RBPJ: variants seen among roughly 807,000 people sequenced by gnomAD.
The protein encoded by RBPJ is recombining binding protein suppressor of hairless.
RBPJ carries 9 observed loss-of-function variants against 67.8 expected under a neutral mutation model. The observed-to-expected ratio is 0.13, with a 90% CI of 0.08 to 0.23. The LOEUF is 0.23. RBPJ is among the 10% of genes least tolerant of loss of function. The pLI, the probability that RBPJ is intolerant of heterozygous loss-of-function variation, is 1.00. For missense variants in RBPJ, 305 were observed against 595.6 expected (o/e 0.51, Z 5.08); for synonymous variants, 198 against 203.3 (o/e 0.97, Z 0.22).
At chr4:26,182,109 G>C (rs1375715989) in intron 1 of RBPJ, among the ~76,000 whole-genome samples, 1 of 152,194 alleles carries the variant, frequency 6.6e-6, no homozygotes, top group Non-Finnish European at 1.5e-5. Context: ...TTGGGAGGCC[G>C]AGGCAGCCGG....
chr4:26,185,484 G>A (rs148481026), intron 1 of RBPJ, among the ~76,000 whole-genome samples: 5 of 152,280 alleles, frequency 3.3e-5, no homozygotes, highest in East Asian at 3.9e-4. Flanking sequence ...CTGGAATTAC[G>A]AGGTTGTATG....
chr4:26,159,905 TTCTCTC>T (rs35911476), upstream of RBPJ, among the ~76,000 whole-genome samples: 1 of 147,118 alleles, frequency 6.8e-6, no homozygotes, highest in Non-Finnish European at 1.5e-5. Flanking sequence ...GCAAGAAGCT[TTCTCTC>T]TCTCTCTCTC....
the RBPJ span, among the ~76,000 whole-genome samples, chr4:26,127,610 G>A: frequency 1.3e-5 from 2 of 152,186 alleles, no homozygotes; most frequent in African/African-American, 2.4e-5. Flanking sequence ...CATAAAGTGG[G>A]TGGAGTAAAT....
At chr4:26,224,092 T>G (rs534097134) in intron 1 of RBPJ, among the ~76,000 whole-genome samples, 72 of 152,322 alleles carry the variant, frequency 4.7e-4, no homozygotes, top group African/African-American at 1.6e-3. Context: ...TTATTAGTAT[T>G]GATATTGGTT....
rs569510028 is a variant in RBPJ at position 26,184,114 on chromosome 4, C to T, written c.-167+20500C>T. On this transcript the variant is annotated intron_variant, in intron 1 of 4. Coordinates refer to the RBPJ transcript ENST00000512351. ...GGAGAATCGCTTGAACCTGGGAGGCCGAGGTTCCAGTGAGCTGAGATGGCA... is the reference window on the plus strand; with the variant it reads ...GGAGAATCGCTTGAACCTGGGAGGCTGAGGTTCCAGTGAGCTGAGATGGCA... Among the ~76,000 whole-genome samples the T allele has an allele frequency of 1.6e-3, 237 of 145,538 alleles. 1 individual carries two copies. Among genetic ancestry groups the T allele is most frequent in the African/African-American group, 6.0e-3 (232 of 38,830 alleles).
In RBPJ at chr4:26,411,352, C is replaced by T. The variant is rs367857948; in HGVS notation, c.156-4123C>T. ...ACCCCACTCCCTTTAGTTTCTTTTG[C>T]GTGTATTCTTGCCTTTTTTTTTTGT... On this transcript the variant is annotated intron_variant, in intron 3 of 10. Coordinates refer to ENST00000355476, the MANE Select transcript of RBPJ (RefSeq NM_015874.6). 1.2e-4 allele frequency among the ~76,000 whole-genome samples: 18 copies of T among 150,650 alleles called. No homozygotes were observed. The East Asian group carries it at 2.5e-3, about 21-fold the overall frequency.
intron 1 of RBPJ, among the ~76,000 whole-genome samples, chr4:26,363,745 G>A (rs2109510496): frequency 6.6e-6 from 1 of 152,268 alleles, no homozygotes; most frequent in South Asian, 2.1e-4. Context: ...GGCCAAAGAT[G>A]AGTAATTTAA....
chr4:26,243,951 C>T (rs191428609), intron 1 of RBPJ, among the ~76,000 whole-genome samples: 216 of 151,492 alleles, frequency 1.4e-3, no homozygotes, highest in Non-Finnish European at 2.2e-3. Context: ...AAACATTAGC[C>T]GGGTGTGATC....
chr4:26,242,210 G>A (rs183334766), intron 1 of RBPJ, among the ~76,000 whole-genome samples: 154 of 152,238 alleles, frequency 1.0e-3, no homozygotes, highest in African/African-American at 3.5e-3. Flanking sequence ...CACTATGGGA[G>A]CCCGAGGCGG....
chr4:26,421,393 C>T (rs1038318304), intron 5 of RBPJ, among the ~76,000 whole-genome samples: 1 of 151,954 alleles, frequency 6.6e-6, no homozygotes, highest in Non-Finnish European at 1.5e-5. Context: ...ACCTCCACCT[C>T]CCGGGTTCAA....
chr4:26,431,199 A>AC lies in RBPJ; in HGVS notation c.*192_*193insC. On this transcript the variant is annotated 3_prime_UTR_variant, in exon 11 of 11. Coordinates refer to ENST00000355476, the MANE Select transcript of RBPJ (RefSeq NM_015874.6). Reference sequence around the variant, plus strand: ...GAAGCCACAGTAAAAAAAAAAAAAAAAAAAAAAAAAAAGAAAAAAAAATCA... The same window carrying AC: ...GAAGCCACAGTAAAAAAAAAAAAAAACAAAAAAAAAAAAGAAAAAAAAATCA... 2.5e-6 allele frequency: 1 copy of AC among 395,712 alleles called. No homozygotes were observed. Among genetic ancestry groups the AC allele is most frequent in the Non-Finnish European group, 4.4e-6 (1 of 225,464 alleles). 24.5% of individuals were successfully genotyped at this position (395,712 alleles called of 1,614,324 possible).
At chr4:26,192,921 C>T (rs1717621375) in intron 1 of RBPJ, among the ~76,000 whole-genome samples, 1 of 152,124 alleles carries the variant, frequency 6.6e-6, no homozygotes, top group South Asian at 2.1e-4. Context: ...GGAGAATATC[C>T]TGGATTCTAC....
intron 2 of RBPJ, among the ~76,000 whole-genome samples, chr4:26,398,859 G>A (rs982857257): frequency 6.6e-6 from 1 of 152,118 alleles, no homozygotes; most frequent in Non-Finnish European, 1.5e-5. Context: ...TGATCTGCCT[G>A]CCTCAGCCTC....
At chr4:26,251,111 T>C (rs1428434113) in intron 1 of RBPJ, among the ~76,000 whole-genome samples, 1 of 152,240 alleles carries the variant, frequency 6.6e-6, no homozygotes, top group African/African-American at 2.4e-5. Context: ...ATCGTCTACA[T>C]GACCAGCTTC....
chr4:26,380,205 TC>T (rs1730174342), intron 1 of RBPJ, among the ~76,000 whole-genome samples: 2 of 152,350 alleles, frequency 1.3e-5, no homozygotes, highest in East Asian at 3.9e-4. Flanking sequence ...ATTAACCTCT[TC>T]AATCATATTC....
At chr4:26,217,845 T>C (rs1718768339) in intron 1 of RBPJ, among the ~76,000 whole-genome samples, 1 of 152,200 alleles carries the variant, frequency 6.6e-6, no homozygotes, top group African/African-American at 2.4e-5. Context: ...GTTTGGACAG[T>C]CCCTGCGAAA....
At chr4:26,265,976 C>T (rs13104736) in intron 1 of RBPJ, among the ~76,000 whole-genome samples, 63,168 of 151,850 alleles carry the variant, frequency 0.42, 14,657 homozygotes, top group Admixed American at 0.53. Flanking sequence ...GCAGAGGTTG[C>T]TTCACGATCG....
At chr4:26,309,097 G>A (rs180766253) in intron 1 of RBPJ, among the ~76,000 whole-genome samples, 54 of 149,562 alleles carry the variant, frequency 3.6e-4, no homozygotes, top group Non-Finnish European at 5.6e-4. Flanking sequence ...GCAGTGGCAC[G>A]ATCATGGCTC....
chr4:26,119,044 G>A, the RBPJ span, among the ~76,000 whole-genome samples: 2 of 152,128 alleles, frequency 1.3e-5, no homozygotes, highest in Non-Finnish European at 2.9e-5. Flanking sequence ...CTTTAACAGG[G>A]TATTGCATTG....
Sources: gnomAD v4.1 joint callset for allele counts (sites outside exome capture counted in the v4.1 genomes callset) on GRCh38, gnomAD v4.1.1 for gene constraint, MANE v1.5 for transcripts, NCBI Gene and HGNC (gene_info 2026-07-23, HGNC 2026-07-21) for gene names.